IL24: variants seen among roughly 807,000 people sequenced by gnomAD.
IL24 encodes interleukin 24, also known as interleukin-24.
IL24 carries 24 observed loss-of-function variants against 27.6 expected under a neutral mutation model. The observed-to-expected ratio is 0.87, with a 90% CI of 0.63 to 1.22. The LOEUF (loss-of-function observed/expected upper bound fraction) is 1.22. Among genes scored for constraint, IL24 ranks in the 50% most tolerant of loss-of-function variants. IL24 has a pLI of 0.00. For synonymous variants in IL24, 99 were observed against 93.1 expected (o/e 1.06, Z -0.36); for missense variants, 240 against 237.0 (o/e 1.01, Z -0.08).
intron 3 of IL24, 82 bp from the exon 4 acceptor site, chr1:206,900,213 C>A: frequency 8.0e-7 from 1 of 1,250,658 alleles, no homozygotes; most frequent in Non-Finnish European, 1.2e-6. Context: ...ATTTAGGGGT[C>A]TAGGGAAGCA....
chr1:206,901,581 G>A lies in IL24; in HGVS notation c.391G>A (p.Val131Ile). 1.9e-6 allele frequency: 3 copies of A among 1,614,202 alleles called. No homozygotes were observed. Among genetic ancestry groups the A allele is most frequent in the Non-Finnish European group, 2.5e-6 (3 of 1,180,026 alleles). ...FKNYHNRTVE[V>I]RTLKSFSTLA... The stretch of plus-strand genomic sequence containing the variant: ...AAACTACCACAATAGAACAGTTGAA[G>A]TCAGGACTCTGAAGTCATTCTCTAC... The change falls in exon 5 of 7, where the codon GTC (valine) becomes ATC (isoleucine). Residue 131 changes from valine (V) to isoleucine (I), a missense_variant. Transcript: ENST00000294984.
chr1:206,897,750 T>A lies in IL24; in HGVS notation c.-83T>A. Reference sequence around the variant, plus strand: ...ATGTAGGGACAAGACATGACTGTGATGAGGAGCTGCTTTCGCCAATTTAAC... The same window carrying A: ...ATGTAGGGACAAGACATGACTGTGAAGAGGAGCTGCTTTCGCCAATTTAAC... On this transcript the variant is annotated 5_prime_UTR_variant, in exon 2 of 7. The change abolishes an upstream ATG in the 5' untranslated region. Coordinates refer to ENST00000294984, the MANE Select transcript of IL24 (RefSeq NM_006850.3). 6.9e-7 allele frequency: 1 copy of A among 1,447,198 alleles called. No homozygotes were observed. The highest frequency in any genetic ancestry group is 9.7e-7 in the Non-Finnish European group (1 of 1,033,584). 89.6% of individuals were successfully genotyped at this position (1,447,198 alleles called of 1,614,324 possible). A position where few individuals can be genotyped will look rare whatever the true frequency, so the allele number is the denominator to read the frequency against.
intron 2 of IL24, among the ~76,000 whole-genome samples, chr1:206,898,177 AAAAAAAAAAGCCTGT>A (rs1403182751): frequency 2.0e-4 from 30 of 149,672 alleles, no homozygotes; most frequent in Admixed American, 4.6e-4. Flanking sequence ...AAAAAAAAAA[AAAAAAAAAAGCCTGT>A]GGAGTTTGAA....
rs967438755 is a variant in IL24, at chr1:206,899,181, G to A, written c.45-139G>A. Reference sequence around the variant, plus strand: ...ACCCCCACTGCACCTTAGCAAGGCTGCCGGTTTGCAATAGTCTCAACTTGC... The same window carrying A: ...ACCCCCACTGCACCTTAGCAAGGCTACCGGTTTGCAATAGTCTCAACTTGC... On this transcript the variant is annotated intron_variant, in intron 2 of 6. Transcript: ENST00000294984. The A allele has an allele frequency of 1.2e-5, 10 of 833,978 alleles. No individual in the cohort carries two copies. In the East Asian group the frequency reaches 2.8e-4, roughly 23 times the overall value. The allele number at this position is 833,978 out of a possible 1,614,324, so 51.7% of individuals were successfully genotyped here.
At chr1:206,899,061 G>C (rs1558640113) in intron 2 of IL24, among the ~76,000 whole-genome samples, 1 of 152,200 alleles carries the variant, frequency 6.6e-6, no homozygotes, top group African/African-American at 2.4e-5. Context: ...GAGGTGCAGG[G>C]CGTGTGGGTG....
intron 6 of IL24, 39 bp downstream of exon 6, chr1:206,902,111 T>C (rs1572607862): frequency 1.2e-6 from 2 of 1,613,150 alleles, no homozygotes; most frequent in South Asian, 1.1e-5. Flanking sequence ...TCCAGCAGAA[T>C]AGACTAGTCT....
chr1:206,900,472 T>G (rs2102524813), intron 4 of IL24, 115 bp downstream of exon 4: 1 of 919,376 alleles, frequency 1.1e-6, no homozygotes, highest in East Asian at 2.5e-5. Context: ...TGGACTGACC[T>G]TACACAGGAC....
Position 206,901,493 on chromosome 1 carries a change from G to A in IL24, c.304-1G>A. ...TCAGCAGTGACCCAGACCTTCCCCA[G>A]GATGCTGAGAGCTGTTACCTTGTCC... On this transcript the variant is annotated splice_acceptor_variant, in intron 4 of 6. Coordinates refer to ENST00000294984, the MANE Select transcript of IL24 (RefSeq NM_006850.3). LOFTEE classifies it high-confidence loss of function. The A allele has an allele frequency of 6.2e-7, 1 of 1,610,142 alleles. No homozygotes were observed. Among genetic ancestry groups the A allele is most frequent in the Non-Finnish European group, 8.5e-7 (1 of 1,177,712 alleles).
chr1:206,898,342 G>A (rs536107662), intron 2 of IL24, among the ~76,000 whole-genome samples: 1 of 152,166 alleles, frequency 6.6e-6, no homozygotes, highest in Non-Finnish European at 1.5e-5. Context: ...CGGTGTAGGG[G>A]TGGGAGGCAG....
At chr1:206,901,844 G>A (rs1307210014) in intron 5 of IL24, among the ~76,000 whole-genome samples, 154 bp from the exon 6 acceptor site, 1 of 152,208 alleles carries the variant, frequency 6.6e-6, no homozygotes, top group Admixed American at 6.5e-5. Flanking sequence ...TTCACAAGGT[G>A]GGAGTTTGGT....
intron 6 of IL24, chr1:206,902,741 CT>C: frequency 1.0e-6 from 1 of 985,382 alleles, no homozygotes; most frequent in Non-Finnish European, 1.2e-6. Context: ...TGCCATATGT[CT>C]TTCCCTTGTT....
At chr1:206,902,951 A>C in intron 6 of IL24, 25 bp from the exon 7 acceptor site, 1 of 1,614,152 alleles carries the variant, frequency 6.2e-7, no homozygotes, top group Non-Finnish European at 8.5e-7. Flanking sequence ...AACATGGCTG[A>C]CCTTCAACCC....
chr1:206,901,709 C>T lies in IL24; in HGVS notation c.462+57C>T, dbSNP rs1678389140. 13 of 1,471,678 alleles carry T rather than the reference C, an allele frequency of 8.8e-6. No individual in the cohort carries two copies. The South Asian group carries it at 1.4e-4, about 16-fold the overall frequency. 91.2% of individuals were successfully genotyped at this position (1,471,678 alleles called of 1,614,324 possible). A position where few individuals can be genotyped will look rare whatever the true frequency, so the allele number is the denominator to read the frequency against. ...TCTGGGTTCAAGTCTAGGTCTGCTTCCAATCTGCTGGGTGACCCTCTGCAA... is the reference window on the plus strand; with the variant it reads ...TCTGGGTTCAAGTCTAGGTCTGCTTTCAATCTGCTGGGTGACCCTCTGCAA... On this transcript the variant is annotated intron_variant, in intron 5 of 6. Transcript: ENST00000294984.
In IL24 at chr1:206,900,307, A is replaced by G. The variant is rs1291284832; in HGVS notation, c.253A>G (p.Asn85Asp). ...AVKDTMQAQD[N>D]ITSARLLQQE... The stretch of plus-strand genomic sequence containing the variant: ...TCTGTTTGCCAAGCAAGCTCAGGAT[A>G]ACATCACGAGTGCCCGGCTGCTGCA... The change falls in exon 4 of 7, where the codon AAC (asparagine) becomes GAC (aspartate). Residue 85 changes from asparagine (N) to aspartate (D), a missense_variant. Asn to Asp is a conservative substitution (Grantham distance 23). Transcript: ENST00000294984. 1 of 1,613,680 alleles carries G rather than the reference A, an allele frequency of 6.2e-7. No homozygotes were observed. Among genetic ancestry groups the G allele is most frequent in the Non-Finnish European group, 8.5e-7 (1 of 1,179,854 alleles).
intron 6 of IL24, chr1:206,902,427 AG>A: frequency 2.3e-6 from 1 of 434,848 alleles, no homozygotes; most frequent in Non-Finnish European, 2.9e-6. Context: ...ACACATCTGC[AG>A]TATTTTCCAT....
chr1:206,898,099 A>AC (rs996670215), intron 2 of IL24, among the ~76,000 whole-genome samples: 2 of 149,600 alleles, frequency 1.3e-5, no homozygotes, highest in African/African-American at 5.0e-5. Flanking sequence ...CCTGGTAGGC[A>AC]GAGGTTGCAG....
chr1:206,900,518 G>C (rs1473568144), intron 4 of IL24, among the ~76,000 whole-genome samples, 161 bp downstream of exon 4: 1 of 152,118 alleles, frequency 6.6e-6, no homozygotes. Flanking sequence ...TCAGTGTCTG[G>C]GGTTATTGCT....
intron 6 of IL24, chr1:206,902,612 T>C (rs1241110163): frequency 1.0e-6 from 1 of 985,014 alleles, no homozygotes; most frequent in Non-Finnish European, 1.2e-6. Flanking sequence ...AAATAAATGG[T>C]GAAGAGCAAT....
intron 2 of IL24, among the ~76,000 whole-genome samples, chr1:206,899,078 G>A (rs1184506611): frequency 2.0e-5 from 3 of 152,196 alleles, no homozygotes; most frequent in African/African-American, 7.2e-5. Context: ...GGTGTGGACG[G>A]GCAAGGTGGG....
Sources: allele counts gnomAD v4.1 joint callset (sites outside exome capture counted in the v4.1 genomes callset), GRCh38; gene constraint gnomAD v4.1.1; transcripts MANE v1.5; gene names NCBI Gene and HGNC (gene_info 2026-07-23, HGNC 2026-07-21).